The following PTPRN2 variants were observed in gnomAD, a reference collection of about 807,000 sequenced individuals.
PTPRN2 encodes the protein receptor-type tyrosine-protein phosphatase N2.
PTPRN2 carries 74 observed loss-of-function variants against 118.8 expected under a neutral mutation model. The observed-to-expected ratio is 0.62, with a 90% CI of 0.52 to 0.76. The LOEUF is 0.76. Among genes scored for constraint, PTPRN2 ranks in the 30% least tolerant of loss-of-function variants. PTPRN2 has a pLI of 0.00. For missense variants in PTPRN2, 1,481 were observed against 1,394.4 expected (o/e 1.06, Z -0.99); for synonymous variants, 641 against 608.0 (o/e 1.05, Z -0.80).
At chr7:157,571,412 T>C (rs1799752915) in intron 20 of PTPRN2, 28 bp downstream of exon 20, 1 of 1,575,036 alleles carries the variant, frequency 6.3e-7, no homozygotes, top group African/African-American at 1.4e-5. Context: ...TAGCCAAAAC[T>C]TCTTAATCCA....
intron 2 of PTPRN2, among the ~76,000 whole-genome samples, chr7:158,480,054 C>T (rs1416880435): frequency 6.6e-6 from 1 of 152,224 alleles, no homozygotes. Context: ...ATTGAATTCA[C>T]TGCTTGATCA....
At chr7:158,439,042 C>A (rs1011719939) in intron 2 of PTPRN2, among the ~76,000 whole-genome samples, 40 of 152,336 alleles carry the variant, frequency 2.6e-4, no homozygotes, top group African/African-American at 9.4e-4. Context: ...TGTGTATTCA[C>A]TGGAAGGCTG....
At position 158,131,789 on chromosome 7, in the gene PTPRN2, TACAC is replaced by T. The variant is rs540783563; in HGVS notation, c.1556+1884_1556+1887del. Among the ~76,000 whole-genome samples, 5 of 131,670 alleles carry T rather than the reference TACAC, an allele frequency of 3.8e-5. No individual in the cohort carries two copies. The South Asian group carries it at 9.8e-4, about 26-fold the overall frequency. 86.4% of individuals were successfully genotyped at this position (131,670 alleles called of 152,430 possible). On this transcript the variant is annotated intron_variant, in intron 9 of 22. Coordinates refer to ENST00000389418, the MANE Select transcript of PTPRN2 (RefSeq NM_002847.5). ...CAAACCGATACACATCTACCCGACA[TACAC>T]ACTCATACACACACACACAAATACG...
chr7:158,110,214 T>C (rs1238137402), intron 10 of PTPRN2, among the ~76,000 whole-genome samples: 2 of 152,240 alleles, frequency 1.3e-5, no homozygotes, highest in African/African-American at 2.4e-5. Context: ...CTGCAGCTTC[T>C]GCACTCAGCC....
At chr7:157,686,899 A>T (rs1349943600) in intron 12 of PTPRN2, among the ~76,000 whole-genome samples, 4 of 152,114 alleles carry the variant, frequency 2.6e-5, no homozygotes. Context: ...TTAAAAAAAT[A>T]ATCAGGAATG....
rs568390627 is a variant in PTPRN2 at position 157,841,661 on chromosome 7, G to A, written c.1788+57012C>T. 6.6e-5 allele frequency among the ~76,000 whole-genome samples: 10 copies of A among 152,340 alleles called. No individual in the cohort carries two copies. In the South Asian group the frequency reaches 2.1e-3, roughly 32 times the overall value. ...GCTTCCTGGCCTGGCGGACTCTGAGGCTCATGCATTATTCAGGAGCACGTG... is the reference window on the plus strand; with the variant it reads ...GCTTCCTGGCCTGGCGGACTCTGAGACTCATGCATTATTCAGGAGCACGTG... On this transcript the variant is annotated intron_variant, in intron 12 of 22. Coordinates refer to ENST00000389418, the MANE Select transcript of PTPRN2 (RefSeq NM_002847.5).
chr7:158,442,108 AGTG>A (rs1270970315), intron 2 of PTPRN2, among the ~76,000 whole-genome samples: 4 of 135,682 alleles, frequency 2.9e-5, no homozygotes, highest in Non-Finnish European at 4.9e-5. Flanking sequence ...TGGTCACGGC[AGTG>A]GTGGTGGTGG....
intron 6 of PTPRN2, among the ~76,000 whole-genome samples, chr7:158,149,048 C>A (rs1820567820): frequency 7.5e-6 from 1 of 133,854 alleles, no homozygotes; most frequent in Non-Finnish European, 1.6e-5. Context: ...CTCTCACTGA[C>A]ACCCCATCTC....
At chr7:158,415,404 A>C (rs1814572570) in intron 2 of PTPRN2, among the ~76,000 whole-genome samples, 2 of 152,142 alleles carry the variant, frequency 1.3e-5, no homozygotes, top group South Asian at 4.2e-4. Flanking sequence ...ATCCTCTCTA[A>C]GCCCCCACCA....
intron 12 of PTPRN2, among the ~76,000 whole-genome samples, chr7:157,789,591 C>T (rs1804299346): frequency 6.6e-6 from 1 of 152,196 alleles, no homozygotes; most frequent in Non-Finnish European, 1.5e-5. Flanking sequence ...CCGTGGTCCC[C>T]TGAGGTCCCC....
chr7:158,407,550 CGTCCTGGGTCCTGT>C (rs1563255293), intron 2 of PTPRN2, among the ~76,000 whole-genome samples: 2 of 8,486 alleles, frequency 2.4e-4, no homozygotes, highest in African/African-American at 6.7e-4. Flanking sequence ...CTGCGTCCTG[CGTCCTGGGTCCTGT>C]GTCCTGGGTC....
chr7:158,141,056 C>G (rs1323766023), intron 6 of PTPRN2, among the ~76,000 whole-genome samples: 2 of 152,032 alleles, frequency 1.3e-5, no homozygotes, highest in East Asian at 3.9e-4. Flanking sequence ...GTAGGGGGGT[C>G]CCGCTGCCAC....
chr7:158,270,799 C>CCCCTCCACCTGGATG, intron 3 of PTPRN2, among the ~76,000 whole-genome samples: 1 of 41,880 alleles, frequency 2.4e-5, no homozygotes, highest in African/African-American at 1.3e-4. Context: ...CCACCTGGAC[C>CCCCTCCACCTGGATG]ACCCCCTCAC....
chr7:158,298,596 G>A (rs1024262482), intron 3 of PTPRN2, among the ~76,000 whole-genome samples: 2 of 152,192 alleles, frequency 1.3e-5, no homozygotes, highest in African/African-American at 4.8e-5. Flanking sequence ...AGAATGAAGA[G>A]CTTGCGGGGG....
At chr7:158,533,472 T>C (rs1825401293) in intron 1 of PTPRN2, among the ~76,000 whole-genome samples, 1 of 151,956 alleles carries the variant, frequency 6.6e-6, no homozygotes, top group South Asian at 2.1e-4. Flanking sequence ...CAACGTGGAG[T>C]GCTAGGAAGC....
At chr7:158,062,444 T>C (rs866380517) in intron 11 of PTPRN2, among the ~76,000 whole-genome samples, 16 of 152,334 alleles carry the variant, frequency 1.1e-4, no homozygotes, top group African/African-American at 3.8e-4. Flanking sequence ...TCTCAGCACC[T>C]CCTTGGCCTT....
Position 158,298,011 on chromosome 7 carries a change from A to G in PTPRN2, c.277+18808T>C, listed in dbSNP as rs548201534. The stretch of plus-strand genomic sequence containing the variant: ...TTCTAATTGCCTTTTCAAATTTCTT[A>G]GAACAAAGTCATTAGTAGTGTTTTC... On this transcript the variant is annotated intron_variant, in intron 3 of 22. Coordinates refer to ENST00000389418, the MANE Select transcript of PTPRN2 (RefSeq NM_002847.5). Among the ~76,000 whole-genome samples the G allele has an allele frequency of 5.3e-5, 8 of 152,314 alleles. No individual in the cohort carries two copies. The South Asian group carries it at 1.7e-3, about 32-fold the overall frequency.
chr7:158,364,586 A>G (rs1809284063), intron 2 of PTPRN2, among the ~76,000 whole-genome samples: 1 of 152,270 alleles, frequency 6.6e-6, no homozygotes, highest in Non-Finnish European at 1.5e-5. Context: ...TTAAAGGCAG[A>G]CAGATGTTCA....
rs553328844 is a variant in PTPRN2 at position 157,602,498 on chromosome 7, G to A, written c.2418+1504C>T. On this transcript the variant is annotated intron_variant, in intron 16 of 22. Coordinates refer to ENST00000389418, the MANE Select transcript of PTPRN2 (RefSeq NM_002847.5). ...GCACCGTCTGCCATCAGTGGCCGCC[G>A]AGACCAGCAGAGCCGAGAGCTGAGC... 9.9e-5 allele frequency among the ~76,000 whole-genome samples: 15 copies of A among 151,870 alleles called. No individual in the cohort carries two copies. In the East Asian group the frequency reaches 1.9e-3, roughly 20 times the overall value.
Sources: allele counts gnomAD v4.1 joint callset (sites outside exome capture counted in the v4.1 genomes callset), GRCh38; gene constraint gnomAD v4.1.1; transcripts MANE v1.5; gene names NCBI Gene and HGNC (gene_info 2026-07-23, HGNC 2026-07-21).